Variants in NMNAT2 observed in about 807,000 individuals in gnomAD.
NMNAT2 encodes nicotinamide/nicotinic acid mononucleotide adenylyltransferase 2.
In NMNAT2, 11 loss-of-function variants were observed where a neutral mutation model predicts 41.6. The observed-to-expected ratio is 0.26, with a 90% CI of 0.17 to 0.44. NMNAT2 has a LOEUF of 0.44. Among genes scored for constraint, NMNAT2 ranks in the 20% least tolerant of loss-of-function variants. The probability of loss-of-function intolerance (pLI) is 1.00; values close to 1 mark genes in which losing one functional copy is unlikely to be tolerated. For missense variants in NMNAT2, 288 were observed against 407.7 expected (o/e 0.71, Z 2.53); for synonymous variants, 148 against 151.2 (o/e 0.98, Z 0.16).
intron 1 of NMNAT2, among the ~76,000 whole-genome samples, chr1:183,302,691 G>A (rs1661888979): frequency 6.6e-6 from 1 of 152,116 alleles, no homozygotes; most frequent in African/African-American, 2.4e-5. Context: ...GCTAGGTACC[G>A]AACAACTAGG....
chr1:183,306,120 A>G (rs1282415374), intron 1 of NMNAT2, among the ~76,000 whole-genome samples: 1 of 152,100 alleles, frequency 6.6e-6, no homozygotes. Context: ...CCAGCTGTCC[A>G]GGTTTGCAGG....
intron 10 of NMNAT2, among the ~76,000 whole-genome samples, chr1:183,259,432 A>G (rs1660601073): frequency 6.6e-6 from 1 of 152,156 alleles, no homozygotes; most frequent in African/African-American, 2.4e-5. Context: ...ACAGATGGCA[A>G]TGCTCTCCAT....
At position 183,291,118 on chromosome 1, in the gene NMNAT2, C is replaced by T. The variant is rs369763703; in HGVS notation, c.243-912G>A. On this transcript the variant is annotated intron_variant, in intron 3 of 10. Coordinates refer to ENST00000287713, the MANE Select transcript of NMNAT2 (RefSeq NM_015039.4). Reference sequence around the variant, plus strand: ...TTTTAGCAGAGATGGGGTTTCACCACATTGTCCAGGCTGGTCTCAAACTCC... The same window carrying T: ...TTTTAGCAGAGATGGGGTTTCACCATATTGTCCAGGCTGGTCTCAAACTCC... 7.2e-5 allele frequency among the ~76,000 whole-genome samples: 11 copies of T among 152,084 alleles called. No homozygotes were observed. The East Asian group carries it at 7.7e-4, about 11-fold the overall frequency.
chr1:183,354,676 G>A (rs1013014010), intron 1 of NMNAT2, among the ~76,000 whole-genome samples: 4 of 151,924 alleles, frequency 2.6e-5, no homozygotes, highest in African/African-American at 7.3e-5. Flanking sequence ...CTCGGCCTCC[G>A]AAAGTGCTGG....
At chr1:183,380,529 G>C (rs1028546116) in intron 1 of NMNAT2, among the ~76,000 whole-genome samples, 2 of 152,154 alleles carry the variant, frequency 1.3e-5, no homozygotes, top group Non-Finnish European at 2.9e-5. Flanking sequence ...GAGACAGTCT[G>C]TGCTAAGCAT....
At chr1:183,393,403 A>C (rs1648537725) in intron 1 of NMNAT2, among the ~76,000 whole-genome samples, 1 of 152,092 alleles carries the variant, frequency 6.6e-6, no homozygotes, top group South Asian at 2.1e-4. Context: ...TGATGAGTGC[A>C]AACTTGGGAT....
chr1:183,262,011 AAC>A (rs1660671675), intron 8 of NMNAT2, among the ~76,000 whole-genome samples: 1 of 151,982 alleles, frequency 6.6e-6, no homozygotes, highest in African/African-American at 2.4e-5. Flanking sequence ...CTGTAGCCTC[AAC>A]CTCCTGGTCT....
At chr1:183,388,492 T>C (rs1648325500) in intron 1 of NMNAT2, among the ~76,000 whole-genome samples, 1 of 152,214 alleles carries the variant, frequency 6.6e-6, no homozygotes, top group African/African-American at 2.4e-5. Flanking sequence ...ACATCTCCCT[T>C]ATTAACCATA....
chr1:183,366,670 C>T (rs1437670265), intron 1 of NMNAT2, among the ~76,000 whole-genome samples: 1 of 151,970 alleles, frequency 6.6e-6, no homozygotes, highest in Non-Finnish European at 1.5e-5. Flanking sequence ...GATGTGGGTG[C>T]AGGGATAGAT....
At chr1:183,313,712 T>G (rs750107446) in intron 1 of NMNAT2, among the ~76,000 whole-genome samples, 12 of 152,176 alleles carry the variant, frequency 7.9e-5, no homozygotes, top group Non-Finnish European at 4.4e-5. Context: ...TCTCGAACTC[T>G]TGGCCTCAAG....
In NMNAT2 at chr1:183,249,218, A is replaced by C. The variant is rs2102265063; in HGVS notation, c.*3423T>G. ...TTGTTCCTATGTACATTCAAGGAAA[A>C]TGAAAGCAAGAAGGCTCTAGAGGCT... On this transcript the variant is annotated 3_prime_UTR_variant, in exon 11 of 11. Coordinates refer to ENST00000287713, the MANE Select transcript of NMNAT2 (RefSeq NM_015039.4). 6.6e-6 allele frequency: 1 copy of C among 152,294 alleles called. No homozygotes were observed. The highest frequency in any genetic ancestry group is 6.5e-5 in the Admixed American group (1 of 15,278). 9.4% of individuals were successfully genotyped at this position (152,294 alleles called of 1,614,324 possible).
At chr1:183,410,257 A>G (rs1649080663) in intron 1 of NMNAT2, among the ~76,000 whole-genome samples, 1 of 151,836 alleles carries the variant, frequency 6.6e-6, no homozygotes, top group African/African-American at 2.4e-5. Context: ...CGGGAGGTGG[A>G]GGTTGCAGTG....
At chr1:183,343,745 T>A (rs966431626) in intron 1 of NMNAT2, among the ~76,000 whole-genome samples, 2 of 152,218 alleles carry the variant, frequency 1.3e-5, no homozygotes, top group East Asian at 1.9e-4. Flanking sequence ...AAAAAGTGAT[T>A]TATTTTCCCT....
chr1:183,294,763 C>G (rs1479536537), intron 1 of NMNAT2, among the ~76,000 whole-genome samples: 1 of 152,112 alleles, frequency 6.6e-6, no homozygotes, highest in Non-Finnish European at 1.5e-5. Context: ...GCACTCCAGC[C>G]TGGGTGACAG....
At chr1:183,297,038 C>T (rs1661720223) in intron 1 of NMNAT2, among the ~76,000 whole-genome samples, 1 of 151,558 alleles carries the variant, frequency 6.6e-6, no homozygotes, top group Non-Finnish European at 1.5e-5. Flanking sequence ...CTTCTTTACT[C>T]TCCCTGTCCT....
chr1:183,375,348 GC>G lies in NMNAT2; in HGVS notation c.85+42834del, dbSNP rs1195375900. Reference sequence around the variant, plus strand: ...AGTTTGGCTCTGGCCAGCCTCTTCAGCCACATCTTCTACTCCACTGTCCCCC... The same window carrying G: ...AGTTTGGCTCTGGCCAGCCTCTTCAGCACATCTTCTACTCCACTGTCCCCC... On this transcript the variant is annotated intron_variant, in intron 1 of 10. Coordinates refer to ENST00000287713, the MANE Select transcript of NMNAT2 (RefSeq NM_015039.4). 1.3e-3 allele frequency among the ~76,000 whole-genome samples: 194 copies of G among 152,268 alleles called. 2 individuals are homozygous for G. Among genetic ancestry groups the G allele is most frequent in the Non-Finnish European group, 3.1e-4 (21 of 68,026 alleles).
At chr1:183,327,505 T>A (rs1662494758) in intron 1 of NMNAT2, among the ~76,000 whole-genome samples, 2 of 152,272 alleles carry the variant, frequency 1.3e-5, no homozygotes, top group African/African-American at 4.8e-5. Flanking sequence ...TCCTTCTTGC[T>A]ACCTCGACAG....
intron 1 of NMNAT2, among the ~76,000 whole-genome samples, chr1:183,303,662 C>T (rs751637604): frequency 3.9e-5 from 6 of 152,212 alleles, no homozygotes; most frequent in Non-Finnish European, 7.3e-5. Context: ...GAGCGTGAAA[C>T]AGACAATCCT....
chr1:183,383,655 T>C lies in NMNAT2; in HGVS notation c.85+34528A>G, dbSNP rs145347310. Among the ~76,000 whole-genome samples, 252 of 152,320 alleles carry C rather than the reference T, an allele frequency of 1.7e-3. 1 individual carries two copies. Among genetic ancestry groups the C allele is most frequent in the Non-Finnish European group, 3.0e-3 (204 of 68,036 alleles). Reference sequence around the variant, plus strand: ...GATACCCTAAATCATCACTCTCAAGTTCAAAGTTCCACAAATCCCTAGGGC... The same window carrying C: ...GATACCCTAAATCATCACTCTCAAGCTCAAAGTTCCACAAATCCCTAGGGC... On this transcript the variant is annotated intron_variant, in intron 1 of 10. Coordinates refer to ENST00000287713, the MANE Select transcript of NMNAT2 (RefSeq NM_015039.4).
Sources: gnomAD v4.1 joint callset for allele counts (sites outside exome capture counted in the v4.1 genomes callset) on GRCh38, gnomAD v4.1.1 for gene constraint, MANE v1.5 for transcripts, NCBI Gene and HGNC (gene_info 2026-07-23, HGNC 2026-07-21) for gene names.